Variants in ITPR3 observed in about 807,000 individuals in gnomAD.
ITPR3 encodes the protein inositol 1,4,5-trisphosphate receptor type 3.
Under a neutral mutation model 293.2 loss-of-function variants are expected in ITPR3, and 173 were observed. The ratio of observed to expected loss-of-function variants is 0.59; its 90% CI spans 0.52 to 0.67. ITPR3 has a LOEUF of 0.67. ITPR3 is among the 30% of genes least tolerant of loss of function. The pLI is 0.00. For missense variants in ITPR3, 2,796 were observed against 3,592.1 expected (o/e 0.78, Z 5.66); for synonymous variants, 1,295 against 1,444.4 (o/e 0.90, Z 2.35).
In ITPR3 at chr6:33,628,550, C is replaced by T. The variant is rs1302124623; in HGVS notation, c.89+6859C>T. 4.6e-5 allele frequency among the ~76,000 whole-genome samples: 7 copies of T among 152,260 alleles called. No homozygotes were observed. In the East Asian group the frequency reaches 5.8e-4, roughly 13 times the overall value. The stretch of plus-strand genomic sequence containing the variant: ...TCAGGCTAGGGACTGTGAGAGAAAT[C>T]GTGGGTGCAGAAATGAGGCTGGGCG... On this transcript the variant is annotated intron_variant, in intron 1 of 57. Transcript: ENST00000605930.
intron 3 of ITPR3, among the ~76,000 whole-genome samples, chr6:33,656,213 T>C (rs1764302452): frequency 6.6e-6 from 1 of 152,132 alleles, no homozygotes; most frequent in Admixed American, 6.5e-5. Context: ...GGAGGGGATG[T>C]GGGGGGAGTA....
Position 33,632,871 on chromosome 6 carries a change from C to T in ITPR3, c.90-7613C>T, listed in dbSNP as rs980031205. On this transcript the variant is annotated intron_variant, in intron 1 of 57. Transcript: ENST00000605930. The surrounding 1 kb of genome is among the most constrained non-coding windows in gnomAD (Gnocchi z 4.1). Reference sequence around the variant, plus strand: ...CACTCAGCGTGGTCGCAGGAGATCCCAGAGGGTGGGGACCACACCCAGCAC... The same window carrying T: ...CACTCAGCGTGGTCGCAGGAGATCCTAGAGGGTGGGGACCACACCCAGCAC... Among the ~76,000 whole-genome samples, 3 of 152,168 alleles carry T rather than the reference C, an allele frequency of 2.0e-5. No homozygotes were observed. The highest frequency in any genetic ancestry group is 7.2e-5 in the African/African-American group (3 of 41,438).
chr6:33,683,294 C>G lies in ITPR3; in HGVS notation c.4685C>G (p.Ala1562Gly). 6.3e-7 allele frequency: 1 copy of G among 1,580,426 alleles called. No homozygotes were observed. Among genetic ancestry groups the G allele is most frequent in the Non-Finnish European group, 8.6e-7 (1 of 1,163,644 alleles). ...LSSGASCAAA[A>G]QRNASSYKAT... is the part of the protein sequence containing the mutation. ...AGTGGAGCCAGCTGTGCAGCTGCCG[C>G]CCAGCGGAACGCCTCCAGCTACAAG... Residue 1562 changes from alanine to glycine, a missense_variant, in exon 35 of 58, where the codon GCC becomes GGC. By Grantham distance (60) the Ala-to-Gly change is moderately conservative. Coordinates refer to ENST00000605930, the MANE Select transcript of ITPR3 (RefSeq NM_002224.4). The surrounding 1 kb of genome is among the most constrained non-coding windows in gnomAD (Gnocchi z 4.5).
chr6:33,669,588 C>G (rs909648449), intron 18 of ITPR3, among the ~76,000 whole-genome samples: 1 of 152,186 alleles, frequency 6.6e-6, no homozygotes, highest in Non-Finnish European at 1.5e-5. Context: ...CAGAGAAAGA[C>G]TCTGTCTCAA....
At position 33,683,286 on chromosome 6, in the gene ITPR3, A is replaced by G; in HGVS notation, c.4677A>G (p.Ala1559=). Residue 1559 remains alanine, a synonymous_variant, in exon 35 of 58, where the codon GCA becomes GCG. Transcript: ENST00000605930. The surrounding 1 kb of genome is among the most constrained non-coding windows in gnomAD (Gnocchi z 4.5). Reference sequence around the variant, plus strand: ...TGCTCAGCAGTGGAGCCAGCTGTGCAGCTGCCGCCCAGCGGAACGCCTCCA... The same window carrying G: ...TGCTCAGCAGTGGAGCCAGCTGTGCGGCTGCCGCCCAGCGGAACGCCTCCA... ...SSMLSSGASC[A]AAAQRNASSY... 6.3e-7 allele frequency: 1 copy of G among 1,576,588 alleles called. No homozygotes were observed. Among genetic ancestry groups the G allele is most frequent in the Non-Finnish European group, 8.6e-7 (1 of 1,161,498 alleles).
Position 33,667,195 on chromosome 6 carries a change from G to C in ITPR3, c.1618G>C (p.Glu540Gln). 6.2e-7 allele frequency: 1 copy of C among 1,614,140 alleles called. No individual in the cohort carries two copies. The highest frequency in any genetic ancestry group is 1.1e-5 in the South Asian group (1 of 91,086). ...TGAAGGTCCCCTGGTGCGGCTGGAG[G>C]AGCTGTCAGACCAGAAGAACGCCCC... Reference protein sequence around the residue: ...GGEGPLVRLEELSDQKNAPYQ... With the variant: ...GGEGPLVRLEQLSDQKNAPYQ... The change falls in exon 15 of 58, where the codon GAG becomes CAG. Residue 540 changes from glutamate to glutamine, a missense_variant. Coordinates refer to ENST00000605930, the MANE Select transcript of ITPR3 (RefSeq NM_002224.4). The surrounding 1 kb of genome is among the most constrained non-coding windows in gnomAD (Gnocchi z 4.4).
At chr6:33,688,483 C>A (rs887569874) in intron 48 of ITPR3, 52 bp downstream of exon 48, 1 of 1,504,256 alleles carries the variant, frequency 6.6e-7, no homozygotes, top group Non-Finnish European at 8.9e-7. Flanking sequence ...TTCACTGATG[C>A]CCTGTTATAA....
At chr6:33,686,871 G>T in intron 43 of ITPR3, 138 bp from the exon 44 acceptor site, 1 of 713,456 alleles carries the variant, frequency 1.4e-6, no homozygotes. Context: ...ATTAAGCCGG[G>T]GGGAGGGAGG....
intron 2 of ITPR3, among the ~76,000 whole-genome samples, chr6:33,649,367 A>G (rs2127247659): frequency 6.6e-6 from 1 of 152,324 alleles, no homozygotes; most frequent in East Asian, 1.9e-4. Flanking sequence ...CTGGGCTTGC[A>G]GGTGCCTGCC....
Position 33,691,798 on chromosome 6 carries a change from C to T in ITPR3, c.7331-3C>T. ...CGGGCCTCAGCACACTCTCCGCTTG[C>T]AGAGGACAGGGAGCTGGACAGCACA... is the stretch of plus-strand genomic sequence containing the variant. On this transcript the variant is annotated splice_region_variant and splice_polypyrimidine_tract_variant and intron_variant, in intron 53 of 57. Transcript: ENST00000605930. This position sits in a 1 kb window ranked among gnomAD's most constrained non-coding sequence, Gnocchi z 4.9. 6.2e-7 allele frequency: 1 copy of T among 1,614,022 alleles called. No individual in the cohort carries two copies. The highest frequency in any genetic ancestry group is 8.5e-7 in the Non-Finnish European group (1 of 1,179,974).
rs942489935 is a variant in ITPR3, at chr6:33,677,370, G to T, written c.3523-134G>T. The stretch of plus-strand genomic sequence containing the variant: ...TAGTGCTTCCCTAGCCTGTTGCAAG[G>T]GTCTGATTCAGCGCCTGTGACCTCC... On this transcript the variant is annotated intron_variant, in intron 27 of 57. Coordinates refer to ENST00000605930, the MANE Select transcript of ITPR3 (RefSeq NM_002224.4). 10 of 1,224,544 alleles carry T rather than the reference G, an allele frequency of 8.2e-6. No homozygotes were observed. In the African/African-American group the frequency reaches 1.5e-4, roughly 18 times the overall value. The allele number at this position is 1,224,544 out of a possible 1,614,324, so 75.9% of individuals were successfully genotyped here.
At position 33,675,741 on chromosome 6, in the gene ITPR3, T is replaced by C. The variant is rs770184591; in HGVS notation, c.3167T>C (p.Leu1056Pro). ...EVDDEGGRMF[L>P]RVLIHLTMHD... ...GATGACGAGGGCGGCCGCATGTTCCTGCGCGTGCTCATCCACCTCACCATG... is the reference window on the plus strand; with the variant it reads ...GATGACGAGGGCGGCCGCATGTTCCCGCGCGTGCTCATCCACCTCACCATG... The change falls in exon 25 of 58, where the codon CTG (leucine) becomes CCG (proline). Residue 1056 changes from leucine to proline, a missense_variant. By Grantham distance (98) the Leu-to-Pro change is moderately conservative. Around this residue, in one of 8 missense-constraint regions of ITPR3, gnomAD observed 955 missense variants for 1,180.8 expected, o/e 0.81. Coordinates refer to ENST00000605930, the MANE Select transcript of ITPR3 (RefSeq NM_002224.4). The surrounding 1 kb of genome is among the most constrained non-coding windows in gnomAD (Gnocchi z 5.0). 1 of 1,612,968 alleles carries C rather than the reference T, an allele frequency of 6.2e-7. No individual in the cohort carries two copies. The highest frequency in any genetic ancestry group is 1.3e-5 in the African/African-American group (1 of 75,038).
chr6:33,685,852 C>T, intron 41 of ITPR3, 25 bp downstream of exon 41: 3 of 1,550,728 alleles, frequency 1.9e-6, no homozygotes, highest in East Asian at 2.3e-5. Flanking sequence ...ACACACCTGC[C>T]CCTTCCCCCG....
intron 39 of ITPR3, 95 bp downstream of exon 39, chr6:33,685,038 G>A (rs1582160091): frequency 7.2e-7 from 1 of 1,396,998 alleles, no homozygotes; most frequent in East Asian, 2.3e-5. Flanking sequence ...GCCGAGGAGG[G>A]TGTGAAAGAG....
chr6:33,695,855 C>T lies in ITPR3; in HGVS notation c.*75C>T. Reference sequence around the variant, plus strand: ...GACTGGGAAGAACACTGCCCCCTCCCTCGGGTTGGGTGGCCCAGCCAGCTG... The same window carrying T: ...GACTGGGAAGAACACTGCCCCCTCCTTCGGGTTGGGTGGCCCAGCCAGCTG... On this transcript the variant is annotated 3_prime_UTR_variant, in exon 58 of 58. Coordinates refer to ENST00000605930, the MANE Select transcript of ITPR3 (RefSeq NM_002224.4). 6.7e-7 allele frequency: 1 copy of T among 1,496,190 alleles called. No homozygotes were observed. Among genetic ancestry groups the T allele is most frequent in the Non-Finnish European group, 9.3e-7 (1 of 1,077,984 alleles). The allele number at this position is 1,496,190 out of a possible 1,614,324, so 92.7% of individuals were successfully genotyped here.
At chr6:33,695,213 G>T in intron 57 of ITPR3, 128 bp downstream of exon 57, 1 of 1,044,032 alleles carries the variant, frequency 9.6e-7, no homozygotes, top group East Asian at 2.6e-5. Flanking sequence ...TGAGAAGGCA[G>T]GTGCCAAACC....
In ITPR3 at chr6:33,684,022, C is replaced by T; in HGVS notation, c.4791C>T (p.Asp1597=). 2 of 1,603,468 alleles carry T rather than the reference C, an allele frequency of 1.2e-6. No homozygotes were observed. Among genetic ancestry groups the T allele is most frequent in the South Asian group, 2.2e-5 (2 of 90,398 alleles). Residue 1597 remains aspartate, a splice_region_variant and synonymous_variant, in exon 36 of 58, where the codon GAC becomes GAT. Transcript: ENST00000605930. The surrounding 1 kb of genome is among the most constrained non-coding windows in gnomAD (Gnocchi z 4.2). ...DYKNIIEKLQ[D]IITALEERLK... Reference sequence around the variant, plus strand: ...TGACTCTGCCCTGCCCACCCCAGGACATCATCACAGCCCTGGAGGAGCGGC... The same window carrying T: ...TGACTCTGCCCTGCCCACCCCAGGATATCATCACAGCCCTGGAGGAGCGGC...
In ITPR3 at chr6:33,687,963, T is replaced by G; in HGVS notation, c.6265-94T>G. 1.0e-6 allele frequency: 1 copy of G among 983,422 alleles called. No homozygotes were observed. The highest frequency in any genetic ancestry group is 1.5e-6 in the Non-Finnish European group (1 of 652,488). The allele number at this position is 983,422 out of a possible 1,614,324, so 60.9% of individuals were successfully genotyped here. A position where few individuals can be genotyped will look rare whatever the true frequency, so the allele number is the denominator to read the frequency against. ...GGCGGGGACACTCGCTGAAGTGTAGTTCAGAGCTAGGCGAAGGCCTGGGAG... is the reference window on the plus strand; with the variant it reads ...GGCGGGGACACTCGCTGAAGTGTAGGTCAGAGCTAGGCGAAGGCCTGGGAG... On this transcript the variant is annotated intron_variant, in intron 46 of 57. Transcript: ENST00000605930. The surrounding 1 kb of genome is among the most constrained non-coding windows in gnomAD (Gnocchi z 5.3).
At chr6:33,663,937 TG>T in intron 11 of ITPR3, 57 bp downstream of exon 11, 10 of 1,599,742 alleles carry the variant, frequency 6.3e-6, no homozygotes, top group Non-Finnish European at 8.5e-6. Flanking sequence ...TGGGCCCTCC[TG>T]TCTCTGGGAC....
Sources: allele counts gnomAD v4.1 joint callset (sites outside exome capture counted in the v4.1 genomes callset), GRCh38; gene constraint gnomAD v4.1.1; regional missense constraint gnomAD v4.1.1; non-coding constraint Gnocchi (gnomAD v3.1); transcripts MANE v1.5; gene names NCBI Gene and HGNC (gene_info 2026-07-23, HGNC 2026-07-21).